Variants in PPP3CA observed in about 807,000 individuals in gnomAD.
PPP3CA encodes protein phosphatase 3 catalytic subunit alpha, also known as CAM-PRP catalytic subunit.
PPP3CA carries 14 observed loss-of-function variants against 66.5 expected under a neutral mutation model. The ratio of observed to expected loss-of-function variants is 0.21; its 90% CI spans 0.14 to 0.33. The LOEUF is 0.33. PPP3CA is among the 10% of genes least tolerant of loss of function. PPP3CA has a pLI of 1.00. For missense variants in PPP3CA, 317 were observed against 639.5 expected (o/e 0.50, Z 5.44); for synonymous variants, 232 against 226.2 (o/e 1.03, Z -0.23).
chr4:101,257,198 T>G (rs1223836483), intron 1 of PPP3CA, among the ~76,000 whole-genome samples: 1 of 152,040 alleles, frequency 6.6e-6, no homozygotes, highest in African/African-American at 2.4e-5. Context: ...TGATGTCTTC[T>G]TCTAGTGAAG....
At chr4:101,327,032 C>T (rs1178751155) in intron 1 of PPP3CA, among the ~76,000 whole-genome samples, 2 of 151,976 alleles carry the variant, frequency 1.3e-5, no homozygotes, top group Non-Finnish European at 2.9e-5. Context: ...TGAAATAAAC[C>T]AAATCACTCA....
At chr4:101,058,698 T>C (rs910417486) in intron 10 of PPP3CA, among the ~76,000 whole-genome samples, 1 of 152,110 alleles carries the variant, frequency 6.6e-6, no homozygotes, top group Non-Finnish European at 1.5e-5. Flanking sequence ...AAACAAATCC[T>C]TTCATGTAAG....
intron 1 of PPP3CA, among the ~76,000 whole-genome samples, chr4:101,253,463 T>C (rs1347703082): frequency 6.6e-6 from 1 of 152,136 alleles, no homozygotes. Context: ...GGAATACATA[T>C]ACCAAGCACC....
chr4:101,101,298 G>A (rs907653041), intron 3 of PPP3CA, among the ~76,000 whole-genome samples: 2 of 152,032 alleles, frequency 1.3e-5, no homozygotes, highest in African/African-American at 4.8e-5. Flanking sequence ...GCTACAGATC[G>A]GGTTTTATAG....
chr4:101,296,797 C>T (rs115831054), intron 1 of PPP3CA, among the ~76,000 whole-genome samples: 3,270 of 152,162 alleles, frequency 0.021, 100 homozygotes, highest in African/African-American at 0.06. Context: ...ACTAAAAAGT[C>T]ATACATCTAA....
chr4:101,150,800 C>T (rs1330201438), intron 2 of PPP3CA, among the ~76,000 whole-genome samples: 1 of 152,122 alleles, frequency 6.6e-6, no homozygotes, highest in Non-Finnish European at 1.5e-5. Flanking sequence ...TTGGCACTCA[C>T]ATAATACTTT....
chr4:101,284,377 G>GA (rs139842882), intron 1 of PPP3CA, among the ~76,000 whole-genome samples: 8,279 of 151,954 alleles, frequency 0.054, 742 homozygotes, highest in African/African-American at 0.19. Flanking sequence ...TAAAAGCTTG[G>GA]AAAAAACCTT....
intron 11 of PPP3CA, among the ~76,000 whole-genome samples, chr4:101,037,342 C>T (rs1295777101): frequency 6.6e-6 from 1 of 152,192 alleles, no homozygotes; most frequent in Non-Finnish European, 1.5e-5. Context: ...AGGCAACAGA[C>T]TTGTATTTTA....
intron 1 of PPP3CA, chr4:101,330,277 C>T (rs1453896933): frequency 4.6e-6 from 2 of 433,462 alleles, no homozygotes; most frequent in South Asian, 3.5e-5. Context: ...ATAGGACTGA[C>T]TTGGTGCAAT....
chr4:101,321,539 A>C (rs1313176722), intron 1 of PPP3CA, among the ~76,000 whole-genome samples: 1 of 152,204 alleles, frequency 6.6e-6, no homozygotes, highest in East Asian at 1.9e-4. Context: ...TAATGACAAT[A>C]AAATTTTTGT....
intron 1 of PPP3CA, among the ~76,000 whole-genome samples, chr4:101,343,990 T>G (rs1387864783): frequency 6.6e-6 from 1 of 152,092 alleles, no homozygotes; most frequent in Non-Finnish European, 1.5e-5. Flanking sequence ...AATAACAATC[T>G]GAATATTTAT....
chr4:101,093,406 GTTT>G (rs148814688), intron 6 of PPP3CA, among the ~76,000 whole-genome samples: 1 of 142,610 alleles, frequency 7.0e-6, no homozygotes, highest in East Asian at 2.0e-4. Flanking sequence ...ATGTACATTT[GTTT>G]TTTTTTTTTT....
chr4:101,030,312 AACTT>A (rs1368003683), intron 12 of PPP3CA, among the ~76,000 whole-genome samples: 5 of 152,192 alleles, frequency 3.3e-5, no homozygotes, highest in Non-Finnish European at 7.4e-5. Context: ...TGTGCACTAT[AACTT>A]ACTTACGGTG....
At chr4:101,202,695 C>T (rs910840133) in intron 1 of PPP3CA, among the ~76,000 whole-genome samples, 1 of 152,204 alleles carries the variant, frequency 6.6e-6, no homozygotes, top group African/African-American at 2.4e-5. Flanking sequence ...AATAAAAATA[C>T]ATATGGCCAT....
chr4:101,108,690 C>T (rs1438748053), intron 3 of PPP3CA, among the ~76,000 whole-genome samples: 1 of 152,150 alleles, frequency 6.6e-6, no homozygotes, highest in African/African-American at 2.4e-5. Flanking sequence ...GGCTTGAACC[C>T]AGAAGGCAGA....
At chr4:101,109,807 T>C (rs1271122182) in intron 2 of PPP3CA, among the ~76,000 whole-genome samples, 2 of 152,208 alleles carry the variant, frequency 1.3e-5, no homozygotes, top group African/African-American at 4.8e-5. Context: ...CATTCTCACT[T>C]TCTCTTTTAA....
chr4:101,331,198 T>G (rs1197152183), intron 1 of PPP3CA, among the ~76,000 whole-genome samples: 1 of 152,202 alleles, frequency 6.6e-6, no homozygotes, highest in Admixed American at 6.5e-5. Flanking sequence ...AAGCCCAGGA[T>G]CTGAGTCACG....
intron 2 of PPP3CA, among the ~76,000 whole-genome samples, chr4:101,147,649 C>A (rs909330755): frequency 6.6e-6 from 1 of 151,994 alleles, no homozygotes. Context: ...GCATTCAATT[C>A]ATTTGCTACA....
At chr4:101,112,249 G>C (rs937551140) in intron 2 of PPP3CA, among the ~76,000 whole-genome samples, 1 of 152,062 alleles carries the variant, frequency 6.6e-6, no homozygotes, top group Non-Finnish European at 1.5e-5. Context: ...TTTTGCTTAA[G>C]TATAGAAGTA....
Sources: gnomAD v4.1 joint callset for allele counts (sites outside exome capture counted in the v4.1 genomes callset) on GRCh38, gnomAD v4.1.1 for gene constraint, MANE v1.5 for transcripts, NCBI Gene and HGNC (gene_info 2026-07-23, HGNC 2026-07-21) for gene names.